CRACD: variants seen among roughly 807,000 people sequenced by gnomAD.
CRACD encodes capping protein inhibiting regulator of actin dynamics, also known as capping protein-inhibiting regulator of actin dynamics.
A neutral mutation model predicts 106.8 loss-of-function variants in CRACD; 56 were observed. The ratio of observed to expected loss-of-function variants is 0.52; its 90% CI spans 0.42 to 0.66. The LOEUF is 0.66. Among genes scored for constraint, CRACD ranks in the 30% least tolerant of loss-of-function variants. CRACD has a pLI of 0.00. For missense variants in CRACD, 1,730 were observed against 1,623.2 expected, an observed-to-expected ratio of 1.07 and a Z score of -1.13; for synonymous variants, 754 against 670.8, an observed-to-expected ratio of 1.12 and a Z score of -1.92.
chr4:56,089,663 G>A (rs1733351661), intron 1 of CRACD, among the ~76,000 whole-genome samples: 1 of 152,060 alleles, frequency 6.6e-6, no homozygotes, highest in Non-Finnish European at 1.5e-5. Flanking sequence ...ACAGGCATGG[G>A]CCACCACACA....
At chr4:56,261,154 G>A (rs1385886759) in intron 2 of CRACD, among the ~76,000 whole-genome samples, 2 of 152,108 alleles carry the variant, frequency 1.3e-5, no homozygotes, top group Admixed American at 6.5e-5. Flanking sequence ...ATGCTGCAAG[G>A]CGAAGTAGCA....
intron 1 of CRACD, among the ~76,000 whole-genome samples, chr4:56,122,821 A>G (rs923715436): frequency 1.3e-5 from 2 of 152,248 alleles, no homozygotes; most frequent in African/African-American, 4.8e-5. Context: ...ACATCCATGG[A>G]TGAATATCAG....
rs1346726728 is a variant in CRACD at position 56,141,375 on chromosome 4, G to A, written c.-335-37909G>A. ...TTGCAGTTACCTGTGATCTAAGAGTGATTTGCCTGTCACCATTGCTTTCAA... is the reference window on the plus strand; with the variant it reads ...TTGCAGTTACCTGTGATCTAAGAGTAATTTGCCTGTCACCATTGCTTTCAA... On this transcript the variant is annotated intron_variant, in intron 1 of 10. Coordinates refer to ENST00000682029, the MANE Select transcript of CRACD (RefSeq NM_001393381.1). Among the ~76,000 whole-genome samples the A allele has an allele frequency of 2.6e-5, 4 of 152,252 alleles. No homozygotes were observed. In the South Asian group the frequency reaches 8.3e-4, roughly 32 times the overall value.
At chr4:56,137,759 A>G (rs1298227927) in intron 1 of CRACD, among the ~76,000 whole-genome samples, 2 of 152,250 alleles carry the variant, frequency 1.3e-5, no homozygotes, top group Non-Finnish European at 2.9e-5. Flanking sequence ...AGGCTGAGGC[A>G]GGAGGATCAC....
intron 1 of CRACD, among the ~76,000 whole-genome samples, chr4:56,066,732 C>A (rs2109791660): frequency 6.6e-6 from 1 of 152,214 alleles, no homozygotes; most frequent in Non-Finnish European, 1.5e-5. Flanking sequence ...CTCTCCCCAC[C>A]ACACCACACA....
At chr4:56,224,056 C>T (rs1037324341) in intron 2 of CRACD, among the ~76,000 whole-genome samples, 2 of 152,180 alleles carry the variant, frequency 1.3e-5, no homozygotes, top group African/African-American at 4.8e-5. Flanking sequence ...CAGGCCTGGC[C>T]TGTTTTAATT....
At chr4:56,215,891 C>A (rs1291859569) in intron 2 of CRACD, among the ~76,000 whole-genome samples, 6 of 152,190 alleles carry the variant, frequency 3.9e-5, no homozygotes, top group Non-Finnish European at 8.8e-5. Context: ...GATTTCCAAG[C>A]CTCCTAAGCT....
intron 1 of CRACD, among the ~76,000 whole-genome samples, chr4:56,129,910 A>C (rs1031365049): frequency 1.6e-4 from 25 of 152,194 alleles, no homozygotes; most frequent in Admixed American, 1.5e-3. Context: ...TTCAAGTGAG[A>C]ATAGTCTTGA....
At chr4:56,232,016 TATA>T (rs994644992) in intron 2 of CRACD, among the ~76,000 whole-genome samples, 1 of 152,208 alleles carries the variant, frequency 6.6e-6, no homozygotes, top group Non-Finnish European at 1.5e-5. Context: ...TTATTGCAGT[TATA>T]ATAAGTTCCA....
chr4:56,078,072 G>A (rs1732903644), intron 1 of CRACD, among the ~76,000 whole-genome samples: 1 of 152,158 alleles, frequency 6.6e-6, no homozygotes, highest in South Asian at 2.1e-4. Flanking sequence ...ATCAGTAGTT[G>A]ATGTTTTAAA....
At position 56,330,407 on chromosome 4, in the gene CRACD, C is replaced by T. The variant is rs905963790; in HGVS notation, c.*2603C>T. 9.9e-5 allele frequency among the ~76,000 whole-genome samples: 15 copies of T among 151,824 alleles called. No homozygotes were observed. The highest frequency in any genetic ancestry group is 1.3e-4 in the Admixed American group (2 of 15,240). ...TAGTATGTATTGTCTCTTCTTGTGACGTTTAGTTTAATTGCTTATTTTAAA... is the reference window on the plus strand; with the variant it reads ...TAGTATGTATTGTCTCTTCTTGTGATGTTTAGTTTAATTGCTTATTTTAAA... On this transcript the variant is annotated 3_prime_UTR_variant, in exon 11 of 11. Transcript: ENST00000682029.
intron 1 of CRACD, among the ~76,000 whole-genome samples, chr4:56,112,698 A>G (rs1477986897): frequency 6.6e-6 from 1 of 152,222 alleles, no homozygotes; most frequent in African/African-American, 2.4e-5. Context: ...TCTATGGGGT[A>G]GAAAACATCC....
intron 2 of CRACD, among the ~76,000 whole-genome samples, chr4:56,197,771 G>A (rs1737679765): frequency 6.6e-6 from 1 of 151,390 alleles, no homozygotes; most frequent in Non-Finnish European, 1.5e-5. Flanking sequence ...TCCTCCTCCC[G>A]GGTTCACGCC....
intron 2 of CRACD, among the ~76,000 whole-genome samples, chr4:56,265,716 A>T (rs563691987): frequency 2.0e-5 from 3 of 152,318 alleles, no homozygotes; most frequent in East Asian, 3.9e-4. Context: ...TTTTGCCTGG[A>T]TTCTCAAAAA....
rs374428806 is a variant in CRACD at position 56,204,829 on chromosome 4, T to C, written c.-189+25399T>C. 1.2e-3 allele frequency among the ~76,000 whole-genome samples: 183 copies of C among 152,136 alleles called. 1 individual carries two copies. The highest frequency in any genetic ancestry group is 4.1e-3 in the African/African-American group (170 of 41,472). On this transcript the variant is annotated intron_variant, in intron 2 of 10. Coordinates refer to ENST00000682029, the MANE Select transcript of CRACD (RefSeq NM_001393381.1). ...AGAGAAGAAAAGAAGTAAAGTCAGG[T>C]CTTGAGAGGCTTTTAAAACTGGATT...
At chr4:56,280,582 G>A (rs930369799) in intron 3 of CRACD, among the ~76,000 whole-genome samples, 4 of 152,092 alleles carry the variant, frequency 2.6e-5, no homozygotes, top group Admixed American at 6.5e-5. Context: ...TGTATTTCCC[G>A]CCTCTAACGC....
chr4:56,304,763 C>T (rs1744581251), intron 4 of CRACD, among the ~76,000 whole-genome samples: 1 of 151,654 alleles, frequency 6.6e-6, no homozygotes, highest in South Asian at 2.1e-4. Flanking sequence ...GCCTGGGCAA[C>T]AGAAGGAGAC....
intron 2 of CRACD, among the ~76,000 whole-genome samples, chr4:56,207,617 T>C (rs969904406): frequency 6.6e-6 from 1 of 151,646 alleles, no homozygotes; most frequent in Non-Finnish European, 1.5e-5. Context: ...GTATAATCCA[T>C]GAGTACACAC....
chr4:56,055,762 A>G (rs1462644064), intron 1 of CRACD, among the ~76,000 whole-genome samples: 1 of 152,214 alleles, frequency 6.6e-6, no homozygotes, highest in Non-Finnish European at 1.5e-5. Context: ...GGTCAGGGTC[A>G]CAGGTTCAAT....
Sources: allele counts gnomAD v4.1 joint callset (sites outside exome capture counted in the v4.1 genomes callset), GRCh38; gene constraint gnomAD v4.1.1; transcripts MANE v1.5; gene names NCBI Gene and HGNC (gene_info 2026-07-23, HGNC 2026-07-21).